Variants in BMPER observed in about 807,000 individuals in gnomAD.
BMPER encodes BMP-binding endothelial regulator protein.
BMPER carries 45 observed loss-of-function variants against 87.3 expected under a neutral mutation model. That is an observed-to-expected ratio of 0.52 (90% confidence interval 0.41 to 0.66). The LOEUF (loss-of-function observed/expected upper bound fraction) is 0.66, where lower values mean the gene tolerates loss of function less well. Among genes scored for constraint, BMPER ranks in the 30% least tolerant of loss-of-function variants. The probability of loss-of-function intolerance (pLI) is 0.00; values close to 1 mark genes in which losing one functional copy is unlikely to be tolerated. For missense variants in BMPER, 784 were observed against 867.5 expected (o/e 0.90, Z 1.21); for synonymous variants, 326 against 316.2 (o/e 1.03, Z -0.33).
At chr7:34,111,893 A>G (rs1004480447) in intron 13 of BMPER, among the ~76,000 whole-genome samples, 14 of 152,018 alleles carry the variant, frequency 9.2e-5, no homozygotes, top group Non-Finnish European at 4.4e-5. Flanking sequence ...CTGTATTTTT[A>G]GTAGAGACAG....
Position 33,966,574 on chromosome 7 carries a change from T to C in BMPER, c.402+13T>C. 2 of 1,611,188 alleles carry C rather than the reference T, an allele frequency of 1.2e-6. No individual in the cohort carries two copies. Among genetic ancestry groups the C allele is most frequent in the Non-Finnish European group, 1.7e-6 (2 of 1,177,496 alleles). ...ACGCCAGTGCCAGGTAAAGTTCAAT[T>C]ATTTCTCTCTCCAGTAAAAAGGAAT... On this transcript the variant is annotated intron_variant, in intron 4 of 14. Transcript: ENST00000649409.
In BMPER at chr7:34,058,041, C is replaced by T; in HGVS notation, c.928-18C>T. On this transcript the variant is annotated intron_variant, in intron 9 of 14. Coordinates refer to ENST00000649409, the MANE Select transcript of BMPER (RefSeq NM_001365308.1). ...TCAGCCTCCAGCTGCTGACAGGATC[C>T]TGTGCCCTCTCTTGTAGGATGGAGA... 2 of 1,610,600 alleles carry T rather than the reference C, an allele frequency of 1.2e-6. No individual in the cohort carries two copies. Among genetic ancestry groups the T allele is most frequent in the Non-Finnish European group, 8.5e-7 (1 of 1,176,834 alleles).
intron 7 of BMPER, 66 bp from the exon 8 acceptor site, chr7:34,051,795 C>A: frequency 7.4e-7 from 1 of 1,343,294 alleles, no homozygotes; most frequent in Non-Finnish European, 1.1e-6. Flanking sequence ...ATGATGGAAT[C>A]ACCGATGACA....
intron 2 of BMPER, among the ~76,000 whole-genome samples, chr7:33,931,560 A>G (rs1200167211): frequency 1.3e-5 from 2 of 152,226 alleles, no homozygotes; most frequent in Non-Finnish European, 2.9e-5. Flanking sequence ...CCTGGGTTCA[A>G]AAGTGCTAAA....
intron 6 of BMPER, among the ~76,000 whole-genome samples, chr7:33,978,313 C>G (rs752252056): frequency 6.6e-6 from 1 of 152,170 alleles, no homozygotes; most frequent in East Asian, 1.9e-4. Flanking sequence ...CTTGGACTTC[C>G]CGGCATTCAG....
intron 6 of BMPER, among the ~76,000 whole-genome samples, chr7:34,045,799 G>C (rs1048770237): frequency 2.0e-5 from 3 of 152,134 alleles, no homozygotes; most frequent in Non-Finnish European, 2.9e-5. Context: ...CCTTCCTGGA[G>C]GAAGATGTCT....
intron 10 of BMPER, among the ~76,000 whole-genome samples, chr7:34,061,568 G>C (rs1005961690): frequency 3.9e-5 from 6 of 152,126 alleles, no homozygotes; most frequent in Non-Finnish European, 8.8e-5. Flanking sequence ...TATTGTTTAA[G>C]CTTCTCCAAC....
At chr7:34,052,200 A>AGC in intron 8 of BMPER, among the ~76,000 whole-genome samples, 1 of 152,224 alleles carries the variant, frequency 6.6e-6, no homozygotes, top group Non-Finnish European at 1.5e-5. Flanking sequence ...TGTAGTGAGA[A>AGC]TCAGGCTCCA....
At chr7:33,969,690 C>T (rs1785490594) in intron 4 of BMPER, among the ~76,000 whole-genome samples, 1 of 152,232 alleles carries the variant, frequency 6.6e-6, no homozygotes, top group Non-Finnish European at 1.5e-5. Context: ...TGAGCCACTG[C>T]GTCCGGCCAC....
Position 34,085,905 on chromosome 7 carries a change from G to T in BMPER, c.1558G>T (p.Asp520Tyr). ...AGATGGAAACTTCAAGTTTGATGTG[G>T]ATGACTTTGCTGAATCTTGGAGGGT... ...GGDGNFKFDV[D>Y]DFAESWRVES... is the part of the protein sequence containing the mutation. Residue 520 changes from aspartate to tyrosine, a missense_variant, in exon 13 of 15, where the codon GAT becomes TAT. By Grantham distance (160) the Asp-to-Tyr change is radical (BLOSUM62 -3). Transcript: ENST00000649409. 6.2e-7 allele frequency: 1 copy of T among 1,614,174 alleles called. No individual in the cohort carries two copies. The highest frequency in any genetic ancestry group is 8.5e-7 in the Non-Finnish European group (1 of 1,180,036).
intron 3 of BMPER, among the ~76,000 whole-genome samples, chr7:33,957,645 A>G (rs1156970009): frequency 6.6e-6 from 1 of 152,194 alleles, no homozygotes; most frequent in Non-Finnish European, 1.5e-5. Flanking sequence ...AGATTGCACA[A>G]TTGTCAATTT....
chr7:34,143,357 G>T lies in BMPER; in HGVS notation c.1873G>T (p.Ala625Ser), dbSNP rs572680013. ...CCACTGGGAGCCTCAGCAGAATTGT[G>T]CAGGTAAGAAAGTCCTGCTGGATCT... ...KVHWEPQQNC[A>S]ATQCKHGAVY... The change falls in exon 14 of 15, where the codon GCA becomes TCA. Residue 625 changes from alanine to serine, a missense_variant. Ala to Ser is a moderately conservative substitution (Grantham distance 99). Transcript: ENST00000649409. 2.5e-6 allele frequency: 4 copies of T among 1,613,884 alleles called. No homozygotes were observed. In the Admixed American group the frequency reaches 5.0e-5, roughly 20 times the overall value.
chr7:34,086,097 G>A lies in BMPER; in HGVS notation c.1745+5G>A, dbSNP rs548825415. The A allele has an allele frequency of 1.2e-6, 2 of 1,613,480 alleles. No homozygotes were observed. Among genetic ancestry groups the A allele is most frequent in the African/African-American group, 2.7e-5 (2 of 75,006 alleles). Reference sequence around the variant, plus strand: ...GGACTACGCCACTTTCTACCGGTAAGTACAGTGTTCTGGGGAATGGTTTTG... The same window carrying A: ...GGACTACGCCACTTTCTACCGGTAAATACAGTGTTCTGGGGAATGGTTTTG... On this transcript the variant is annotated splice_donor_5th_base_variant and intron_variant, in intron 13 of 14. Coordinates refer to ENST00000649409, the MANE Select transcript of BMPER (RefSeq NM_001365308.1).
intron 6 of BMPER, among the ~76,000 whole-genome samples, chr7:34,033,488 A>T (rs931407706): frequency 6.6e-6 from 1 of 152,242 alleles, no homozygotes; most frequent in Admixed American, 6.5e-5. Flanking sequence ...GGTTAAAAAA[A>T]AAGCTAAGTG....
chr7:34,085,664 C>T lies in BMPER; in HGVS notation c.1409-92C>T, dbSNP rs142269264. ...TTGGTGCTCCTTATTGGAGGACAGT[C>T]AGTCATATGTTCTGTGTAAGGATGT... On this transcript the variant is annotated intron_variant, in intron 12 of 14. Coordinates refer to ENST00000649409, the MANE Select transcript of BMPER (RefSeq NM_001365308.1). 745 of 1,211,724 alleles carry T rather than the reference C, an allele frequency of 6.1e-4. 3 individuals are homozygous for T. The African/African-American group carries it at 0.01, about 16-fold the overall frequency. The allele number at this position is 1,211,724 out of a possible 1,614,324, so 75.1% of individuals were successfully genotyped here. A position where few individuals can be genotyped will look rare whatever the true frequency, so the allele number is the denominator to read the frequency against.
intron 13 of BMPER, among the ~76,000 whole-genome samples, chr7:34,132,780 C>T (rs1248959074): frequency 6.6e-6 from 1 of 152,074 alleles, no homozygotes; most frequent in Non-Finnish European, 1.5e-5. Context: ...ACTGTGGAGA[C>T]CCCATCACTT....
intron 13 of BMPER, among the ~76,000 whole-genome samples, chr7:34,140,073 G>A (rs1790824288): frequency 6.6e-6 from 1 of 152,148 alleles, no homozygotes; most frequent in South Asian, 2.1e-4. Context: ...AAAAAAACAA[G>A]GTGTCGTCCT....
rs1386967893 is a variant in BMPER at position 34,154,191 on chromosome 7, G to A, written c.*918G>A. 2 of 152,610 alleles carry A rather than the reference G, an allele frequency of 1.3e-5. No individual in the cohort carries two copies. The highest frequency in any genetic ancestry group is 4.8e-5 in the African/African-American group (2 of 41,438). 9.5% of individuals were successfully genotyped at this position (152,610 alleles called of 1,614,324 possible). A position where few individuals can be genotyped will look rare whatever the true frequency, so the allele number is the denominator to read the frequency against. On this transcript the variant is annotated 3_prime_UTR_variant, in exon 15 of 15. Coordinates refer to ENST00000649409, the MANE Select transcript of BMPER (RefSeq NM_001365308.1). ...CATCTACATTTTGTGGCTATTTCAT[G>A]TATAAAATGAAAGGCTTTAGTTATT...
chr7:34,150,121 A>G (rs763712157), intron 14 of BMPER, among the ~76,000 whole-genome samples: 4 of 152,180 alleles, frequency 2.6e-5, no homozygotes, highest in Non-Finnish European at 4.4e-5. Context: ...ACCAACGCTG[A>G]AAGAGGATGA....
Sources: gnomAD v4.1 joint callset for allele counts (sites outside exome capture counted in the v4.1 genomes callset) on GRCh38, gnomAD v4.1.1 for gene constraint, MANE v1.5 for transcripts, NCBI Gene and HGNC (gene_info 2026-07-23, HGNC 2026-07-21) for gene names.